The following EBF3 variants were observed in gnomAD, a reference collection of about 807,000 sequenced individuals.
The protein encoded by EBF3 is EBF transcription factor 3.
EBF3 carries 18 observed loss-of-function variants against 77.1 expected under a neutral mutation model. That is an observed-to-expected ratio of 0.23 (90% confidence interval 0.16 to 0.35). The LOEUF is 0.35. Among genes scored for constraint, EBF3 ranks in the 10% least tolerant of loss-of-function variants. The pLI, the probability that EBF3 is intolerant of heterozygous loss-of-function variation, is 1.00. For synonymous variants in EBF3, 350 were observed against 343.5 expected (o/e 1.02, Z -0.21); for missense variants, 558 against 860.0 (o/e 0.65, Z 4.39).
chr10:129,838,460 C>G (rs1477258384), intron 16 of EBF3, among the ~76,000 whole-genome samples: 2 of 152,180 alleles, frequency 1.3e-5, no homozygotes. Flanking sequence ...TGGGCTCTGA[C>G]CGTGCGGTCA....
At position 129,897,307 on chromosome 10, in the gene EBF3, TGAG is replaced by T. The variant is rs1426044052; in HGVS notation, c.555-19461_555-19459del. ...GGGACCTAGGAGGGTTGAAAGGAGA[TGAG>T]GCCCATGGCTGTGTGGGTGAGTTCT... On this transcript the variant is annotated intron_variant, in intron 6 of 16. Coordinates refer to ENST00000440978, the MANE Select transcript of EBF3 (RefSeq NM_001375380.1). The surrounding 1 kb of genome is among the most constrained non-coding windows in gnomAD (Gnocchi z 4.6). 1.3e-5 allele frequency among the ~76,000 whole-genome samples: 2 copies of T among 152,144 alleles called. No individual in the cohort carries two copies. Among genetic ancestry groups the T allele is most frequent in the African/African-American group, 2.4e-5 (1 of 41,432 alleles).
At chr10:129,887,867 G>C (rs1029652476) in intron 6 of EBF3, among the ~76,000 whole-genome samples, 2 of 152,258 alleles carry the variant, frequency 1.3e-5, no homozygotes, top group Admixed American at 1.3e-4. Flanking sequence ...CGAATGGTAA[G>C]AGGCAAACAA....
chr10:129,911,816 A>C (rs1855543398), intron 6 of EBF3, among the ~76,000 whole-genome samples: 2 of 152,168 alleles, frequency 1.3e-5, no homozygotes, highest in African/African-American at 4.8e-5. Context: ...TGGACTCCCA[A>C]GTGCCCTCTC....
chr10:129,896,552 CT>C (rs2134221458), intron 6 of EBF3, among the ~76,000 whole-genome samples: 1 of 152,320 alleles, frequency 6.6e-6, no homozygotes, highest in African/African-American at 2.4e-5. Flanking sequence ...GGGGCTGCCC[CT>C]GTCCCTGCAC....
chr10:129,882,448 G>A (rs774726943), intron 6 of EBF3, among the ~76,000 whole-genome samples: 7 of 152,254 alleles, frequency 4.6e-5, no homozygotes, highest in Non-Finnish European at 8.8e-5. Context: ...GAGAGCAGGA[G>A]AGAAAAATTA....
chr10:129,869,992 CA>C (rs10717599), intron 8 of EBF3, among the ~76,000 whole-genome samples: 126,265 of 149,082 alleles, frequency 0.85, 53,473 homozygotes, highest in Non-Finnish European at 0.87. Context: ...AAATAATTCA[CA>C]AAAAAAAAAA....
chr10:129,902,170 G>A (rs1343225556), intron 6 of EBF3, among the ~76,000 whole-genome samples: 5 of 151,550 alleles, frequency 3.3e-5, no homozygotes, highest in East Asian at 1.9e-4. Context: ...CCACCACAAC[G>A]CAGCTAGTTA....
At chr10:129,898,581 A>G (rs1185042483) in intron 6 of EBF3, among the ~76,000 whole-genome samples, 2 of 152,218 alleles carry the variant, frequency 1.3e-5, no homozygotes, top group African/African-American at 4.8e-5. Context: ...CCAGTCATTA[A>G]CCACATTATA....
Position 129,943,218 on chromosome 10 carries a change from G to T in EBF3, c.554+14040C>A, listed in dbSNP as rs1282271590. On this transcript the variant is annotated intron_variant, in intron 6 of 16. Transcript: ENST00000440978. The surrounding 1 kb of genome is among the most constrained non-coding windows in gnomAD (Gnocchi z 8.8). Reference sequence around the variant, plus strand: ...GGCCAGGCCTGACCCGGCCTTCCCAGTTGGAGGGGATTTCAGCGGCTCTCC... The same window carrying T: ...GGCCAGGCCTGACCCGGCCTTCCCATTTGGAGGGGATTTCAGCGGCTCTCC... Among the ~76,000 whole-genome samples the T allele has an allele frequency of 6.6e-6, 1 of 152,226 alleles. No individual in the cohort carries two copies. Among genetic ancestry groups the T allele is most frequent in the African/African-American group, 2.4e-5 (1 of 41,462 alleles).
intron 8 of EBF3, among the ~76,000 whole-genome samples, chr10:129,872,153 T>C (rs1406632847): frequency 6.6e-6 from 1 of 152,154 alleles, no homozygotes; most frequent in Admixed American, 6.5e-5. Context: ...GGGAGGCCCC[T>C]TGAACCTATT....
chr10:129,923,300 G>T (rs1856439506), intron 6 of EBF3, among the ~76,000 whole-genome samples: 1 of 152,184 alleles, frequency 6.6e-6, no homozygotes, highest in South Asian at 2.1e-4. Flanking sequence ...AAGCGGGGAT[G>T]ATGTAGACAC....
Position 129,944,687 on chromosome 10 carries a change from T to C in EBF3, c.554+12571A>G, listed in dbSNP as rs530621712. ...ACTGAGCCTGCTGGTCCACCGAGTATAGTTATACGTATGCCCCATGAATCT... is the reference window on the plus strand; with the variant it reads ...ACTGAGCCTGCTGGTCCACCGAGTACAGTTATACGTATGCCCCATGAATCT... On this transcript the variant is annotated intron_variant, in intron 6 of 16. Coordinates refer to ENST00000440978, the MANE Select transcript of EBF3 (RefSeq NM_001375380.1). This position sits in a 1 kb window ranked among gnomAD's most constrained non-coding sequence, Gnocchi z 5.1. Among the ~76,000 whole-genome samples, 2 of 152,240 alleles carry C rather than the reference T, an allele frequency of 1.3e-5. No homozygotes were observed. Among genetic ancestry groups the C allele is most frequent in the South Asian group, 4.1e-4 (2 of 4,820 alleles).
chr10:129,946,890 T>C (rs1437980331), intron 6 of EBF3, among the ~76,000 whole-genome samples: 3 of 152,242 alleles, frequency 2.0e-5, no homozygotes, highest in Non-Finnish European at 2.9e-5. Context: ...ATTTAATAAA[T>C]GATAGTGATC....
intron 4 of EBF3, among the ~76,000 whole-genome samples, chr10:129,959,728 TGGGA>T (rs1859343882): frequency 1.3e-5 from 2 of 151,634 alleles, no homozygotes; most frequent in Admixed American, 1.3e-4. Flanking sequence ...GCGGGCGGCC[TGGGA>T]GCCCAGGCGG....
Position 129,916,712 on chromosome 10 carries a change from C to T in EBF3, c.555-38863G>A, listed in dbSNP as rs114314572. ...AAGCTCAGGGCCTGGCCACCAGGGC[C>T]CCCAATAATGGACCCTTCGCTGAGG... On this transcript the variant is annotated intron_variant, in intron 6 of 16. Transcript: ENST00000440978. 5.0e-3 allele frequency among the ~76,000 whole-genome samples: 755 copies of T among 152,254 alleles called. 12 individuals carry two copies. Among genetic ancestry groups the T allele is most frequent in the African/African-American group, 0.017 (714 of 41,552 alleles).
At chr10:129,855,051 G>T (rs1851157435) in intron 10 of EBF3, among the ~76,000 whole-genome samples, 1 of 152,202 alleles carries the variant, frequency 6.6e-6, no homozygotes, top group Admixed American at 6.5e-5. Flanking sequence ...GCCAGCGGGG[G>T]ATGGCTCAGA....
chr10:129,962,833 T>C lies in EBF3; in HGVS notation c.355+109A>G, dbSNP rs545607578. The C allele has an allele frequency of 3.1e-6, 4 of 1,305,684 alleles. No individual in the cohort carries two copies. The South Asian group carries it at 5.1e-5, about 17-fold the overall frequency. 80.9% of individuals were successfully genotyped at this position (1,305,684 alleles called of 1,614,324 possible). On this transcript the variant is annotated intron_variant, in intron 3 of 16. Coordinates refer to ENST00000440978, the MANE Select transcript of EBF3 (RefSeq NM_001375380.1). ...TTTCCTTCTATGCCATGAGAAGATT[T>C]CGTGTTTACATCCATGTCATTTTAA...
At chr10:129,862,966 ACT>A (rs556576709) in intron 10 of EBF3, among the ~76,000 whole-genome samples, 79 of 152,334 alleles carry the variant, frequency 5.2e-4, no homozygotes, top group Non-Finnish European at 7.6e-4. Context: ...CAAATGGCAC[ACT>A]GTTAGACAAA....
At chr10:129,892,255 G>A (rs972022999) in intron 6 of EBF3, among the ~76,000 whole-genome samples, 9 of 152,222 alleles carry the variant, frequency 5.9e-5, no homozygotes, top group African/African-American at 1.9e-4. Flanking sequence ...GCGGTGCTGG[G>A]GTGCCCCCAA....
Sources: gnomAD v4.1 joint callset for allele counts (sites outside exome capture counted in the v4.1 genomes callset) on GRCh38, gnomAD v4.1.1 for gene constraint, Gnocchi (gnomAD v3.1) non-coding constraint, MANE v1.5 for transcripts, NCBI Gene and HGNC (gene_info 2026-07-23, HGNC 2026-07-21) for gene names.